Variants in DLGAP4 observed in about 807,000 individuals in gnomAD.
DLGAP4 encodes DLG associated protein 4.
In DLGAP4, 18 loss-of-function variants were observed where a neutral mutation model predicts 86.9. That is an observed-to-expected ratio of 0.21 (90% CI 0.14 to 0.31). The LOEUF is 0.31. Among genes scored for constraint, DLGAP4 ranks in the 10% least tolerant of loss-of-function variants. The probability of loss-of-function intolerance (pLI) is 1.00; values close to 1 mark genes in which losing one functional copy is unlikely to be tolerated. For synonymous variants in DLGAP4, 548 were observed against 574.3 expected, an observed-to-expected ratio of 0.95 and a Z score of 0.65; for missense variants, 1,085 against 1,362.6, an observed-to-expected ratio of 0.80 and a Z score of 3.21.
In DLGAP4 at chr20:36,500,204, G is replaced by C; in HGVS notation, c.2105G>C (p.Ser702Thr). The change falls in exon 10 of 13, where the codon AGC (serine) becomes ACC (threonine). Residue 702 changes from serine to threonine, a missense_variant. Coordinates refer to ENST00000339266, the MANE Select transcript of DLGAP4 (RefSeq NM_001365621.2). The surrounding 1 kb of genome is among the most constrained non-coding windows in gnomAD (Gnocchi z 4.6). ...GVQVEDDWRS[S>T]VPSHSMSSRR... ...CATCCACCCCCTACCCACAGAAGCAGCGTCCCCTCTCACAGTATGTCCTCC... is the reference window on the plus strand; with the variant it reads ...CATCCACCCCCTACCCACAGAAGCACCGTCCCCTCTCACAGTATGTCCTCC... 6.8e-7 allele frequency: 1 copy of C among 1,472,700 alleles called. No homozygotes were observed. Among genetic ancestry groups the C allele is most frequent in the Non-Finnish European group, 9.1e-7 (1 of 1,104,906 alleles). 91.2% of individuals were successfully genotyped at this position (1,472,700 alleles called of 1,614,324 possible). A position where few individuals can be genotyped will look rare whatever the true frequency, so the allele number is the denominator to read the frequency against.
At chr20:36,468,652 C>T (rs1199001449) in intron 7 of DLGAP4, among the ~76,000 whole-genome samples, 1 of 152,288 alleles carries the variant, frequency 6.6e-6, no homozygotes, top group Non-Finnish European at 1.5e-5. Flanking sequence ...CTCCAGCAAA[C>T]ACCCAGCATC....
intron 1 of DLGAP4, among the ~76,000 whole-genome samples, chr20:36,311,825 C>G (rs1405704072): frequency 6.6e-6 from 1 of 152,278 alleles, no homozygotes; most frequent in African/African-American, 2.4e-5. Flanking sequence ...AGACAGAGGC[C>G]GGGCTTTGGA....
chr20:36,376,616 C>A (rs1280342323), intron 2 of DLGAP4, among the ~76,000 whole-genome samples: 4 of 152,062 alleles, frequency 2.6e-5, no homozygotes, highest in Admixed American at 2.6e-4. Flanking sequence ...GAGTGCTGCT[C>A]AAGGGGAGAG....
At chr20:36,435,597 C>A (rs2033251909) in intron 3 of DLGAP4, among the ~76,000 whole-genome samples, 1 of 152,240 alleles carries the variant, frequency 6.6e-6, no homozygotes, top group Non-Finnish European at 1.5e-5. Flanking sequence ...AGTTTCCCCA[C>A]CTGTGGGACA....
chr20:36,434,803 A>G (rs1416793422), intron 3 of DLGAP4, among the ~76,000 whole-genome samples: 1 of 152,112 alleles, frequency 6.6e-6, no homozygotes, highest in African/African-American at 2.4e-5. Context: ...GGCATGGAGA[A>G]TGGTGCAGTA....
chr20:36,418,465 T>A (rs2032728250), intron 2 of DLGAP4, among the ~76,000 whole-genome samples: 1 of 152,188 alleles, frequency 6.6e-6, no homozygotes, highest in African/African-American at 2.4e-5. Context: ...GTCCCTTTGT[T>A]CTGAGAGTCT....
At chr20:36,511,765 C>G (rs1419042528) in intron 10 of DLGAP4, among the ~76,000 whole-genome samples, 3 of 150,888 alleles carry the variant, frequency 2.0e-5, no homozygotes, top group African/African-American at 7.3e-5. Context: ...ATCTCGGCTA[C>G]TTCTGAGGCT....
intron 2 of DLGAP4, among the ~76,000 whole-genome samples, chr20:36,377,106 G>C (rs1600453920): frequency 6.6e-6 from 1 of 152,322 alleles, no homozygotes; most frequent in South Asian, 2.1e-4. Context: ...TCTGTTGGAG[G>C]AGGCAGGGTC....
intron 2 of DLGAP4, among the ~76,000 whole-genome samples, chr20:36,420,983 A>G (rs1403082877): frequency 6.6e-6 from 1 of 151,768 alleles, no homozygotes; most frequent in Non-Finnish European, 1.5e-5. Context: ...TCAAGAAAAA[A>G]AAAAAATTAG....
At chr20:36,338,794 C>T (rs1055945619) in intron 1 of DLGAP4, among the ~76,000 whole-genome samples, 1 of 152,216 alleles carries the variant, frequency 6.6e-6, no homozygotes, top group Non-Finnish European at 1.5e-5. Context: ...GCTGGGAGGT[C>T]CTCCCTGGGC....
At chr20:36,422,216 T>C (rs1230283923) in intron 2 of DLGAP4, among the ~76,000 whole-genome samples, 3 of 152,130 alleles carry the variant, frequency 2.0e-5, no homozygotes, top group Non-Finnish European at 4.4e-5. Flanking sequence ...GAATGTGTCC[T>C]CCATGGACTG....
intron 2 of DLGAP4, among the ~76,000 whole-genome samples, chr20:36,412,548 G>A (rs1295858656): frequency 6.6e-6 from 1 of 152,216 alleles, no homozygotes; most frequent in Non-Finnish European, 1.5e-5. Flanking sequence ...TGACACCTGT[G>A]TGACCTTGTA....
At chr20:36,424,747 T>G (rs993826591) in intron 2 of DLGAP4, among the ~76,000 whole-genome samples, 12 of 151,560 alleles carry the variant, frequency 7.9e-5, no homozygotes, top group African/African-American at 2.4e-4. Context: ...TGTTTTTTTT[T>G]TTTTTTGAGA....
At chr20:36,452,450 G>A (rs1034920788) in intron 7 of DLGAP4, among the ~76,000 whole-genome samples, 66 of 152,152 alleles carry the variant, frequency 4.3e-4, no homozygotes, top group African/African-American at 1.5e-3. Context: ...AAAGTACTGG[G>A]ATTACAGGTG....
chr20:36,318,712 G>A (rs2065136434), intron 1 of DLGAP4, among the ~76,000 whole-genome samples: 1 of 152,084 alleles, frequency 6.6e-6, no homozygotes, highest in African/African-American at 2.4e-5. Flanking sequence ...TCCTGCCTTG[G>A]GTGAGACAGA....
intron 10 of DLGAP4, among the ~76,000 whole-genome samples, chr20:36,516,563 G>A (rs1329722625): frequency 6.6e-6 from 1 of 151,770 alleles, no homozygotes; most frequent in Non-Finnish European, 1.5e-5. Flanking sequence ...CTACTTGGAA[G>A]GCTGAGACCG....
intron 10 of DLGAP4, among the ~76,000 whole-genome samples, chr20:36,521,936 G>T (rs1184734667): frequency 2.0e-5 from 3 of 152,096 alleles, no homozygotes; most frequent in Admixed American, 2.0e-4. Context: ...ATTCTTTCTT[G>T]ATGAGCTCTT....
chr20:36,519,727 A>G (rs2037259214), intron 10 of DLGAP4, among the ~76,000 whole-genome samples: 2 of 152,194 alleles, frequency 1.3e-5, no homozygotes, highest in Admixed American at 6.5e-5. Context: ...ACAGGGTTCC[A>G]ATCTCTCCAC....
At chr20:36,454,008 C>T (rs1204339474) in intron 7 of DLGAP4, among the ~76,000 whole-genome samples, 4 of 149,584 alleles carry the variant, frequency 2.7e-5, no homozygotes, top group South Asian at 2.1e-4. Context: ...CAGTGGCTCA[C>T]GCCTGTAATC....
Sources: allele counts gnomAD v4.1 joint callset (sites outside exome capture counted in the v4.1 genomes callset), GRCh38; gene constraint gnomAD v4.1.1; non-coding constraint Gnocchi (gnomAD v3.1); transcripts MANE v1.5; gene names NCBI Gene and HGNC (gene_info 2026-07-23, HGNC 2026-07-21).